Variants in CACNA1A observed in about 807,000 individuals in gnomAD.
CACNA1A encodes the protein voltage-dependent P/Q-type calcium channel subunit alpha-1A.
Under a neutral mutation model 262.4 loss-of-function variants are expected in CACNA1A, and 57 were observed. The ratio of observed to expected loss-of-function variants is 0.22; its 90% CI spans 0.18 to 0.27. The LOEUF (loss-of-function observed/expected upper bound fraction) is 0.27. Ranked by LOEUF, CACNA1A falls within the 10% of genes least tolerant of loss-of-function variation. The pLI is 1.00. For missense variants in CACNA1A, 2,526 were observed against 3,562.8 expected (o/e 0.71, Z 7.41); for synonymous variants, 1,431 against 1,419.3 (o/e 1.01, Z -0.18).
chr19:13,469,458 C>CT (rs1568678224), intron 1 of CACNA1A, among the ~76,000 whole-genome samples: 6 of 133,802 alleles, frequency 4.5e-5, no homozygotes, highest in East Asian at 5.6e-4. Flanking sequence ...CTTGAACCAC[C>CT]TCTTTTTTTT....
At chr19:13,455,575 G>A (rs1268467178) in intron 1 of CACNA1A, among the ~76,000 whole-genome samples, 2 of 152,172 alleles carry the variant, frequency 1.3e-5, no homozygotes, top group African/African-American at 4.8e-5. Flanking sequence ...GCAAATAAAT[G>A]AGATGACTAC....
Position 13,423,717 on chromosome 19 carries a change from G to A in CACNA1A, c.539+29159C>T, listed in dbSNP as rs941088740. The stretch of plus-strand genomic sequence containing the variant: ...TTTTGTAGAGATGAGGTTTTGCCAC[G>A]TTGCCCAGTCTGGTCTCAAACTCTT... On this transcript the variant is annotated intron_variant, in intron 3 of 46. Coordinates refer to ENST00000360228, the MANE Select transcript of CACNA1A (RefSeq NM_001127222.2). Among the ~76,000 whole-genome samples the A allele has an allele frequency of 1.4e-4, 21 of 151,872 alleles. No individual in the cohort carries two copies. In the South Asian group the frequency reaches 2.1e-3, roughly 15 times the overall value.
At chr19:13,416,409 C>T (rs1255415957) in intron 3 of CACNA1A, among the ~76,000 whole-genome samples, 4 of 152,142 alleles carry the variant, frequency 2.6e-5, no homozygotes, top group South Asian at 2.1e-4. Context: ...AGGCTGTGTG[C>T]GGTGGCTCAT....
Position 13,286,646 on chromosome 19 carries a change from G to T in CACNA1A, c.3410C>A (p.Pro1137His), listed in dbSNP as rs200333359. The T allele has an allele frequency of 1.6e-5, 25 of 1,544,566 alleles. No individual in the cohort carries two copies. The highest frequency in any genetic ancestry group is 4.5e-5 in the East Asian group (2 of 44,252). Residue 1137 changes from proline to histidine, a missense_variant, in exon 20 of 47, where the codon CCC becomes CAC. This residue lies in a region of CACNA1A where 765 missense variants were observed against 748.6 expected (regional missense o/e 1.02). Transcript: ENST00000360228. ...NPGNPSNPGP[P>H]KTPENSLIVT... is the part of the protein sequence containing the mutation. ...GATAAGGCTATTCTCGGGGGTCTTGGGGGGGCCGGGATTGGATGGGTTCCC... is the reference window on the plus strand; with the variant it reads ...GATAAGGCTATTCTCGGGGGTCTTGTGGGGGCCGGGATTGGATGGGTTCCC...
chr19:13,346,642 A>T (rs546414513), intron 6 of CACNA1A, among the ~76,000 whole-genome samples: 7 of 13,122 alleles, frequency 5.3e-4, no homozygotes, highest in African/African-American at 5.0e-4. Context: ...ATATATATAT[A>T]TATATATATA....
intron 3 of CACNA1A, among the ~76,000 whole-genome samples, chr19:13,399,428 G>A (rs1453338297): frequency 7.2e-6 from 1 of 139,582 alleles, no homozygotes; most frequent in African/African-American, 3.0e-5. Context: ...AAGAAGGAGA[G>A]AAAAGGAAAA....
chr19:13,403,657 T>C (rs1449578084), intron 3 of CACNA1A, among the ~76,000 whole-genome samples: 1 of 152,100 alleles, frequency 6.6e-6, no homozygotes, highest in African/African-American at 2.4e-5. Context: ...AGGGAGGACC[T>C]GGGTGCAGTG....
chr19:13,268,227 GCA>G, intron 24 of CACNA1A, among the ~76,000 whole-genome samples: 1 of 152,250 alleles, frequency 6.6e-6, no homozygotes, highest in South Asian at 2.1e-4. Context: ...AGCCCTCTGA[GCA>G]AATGCGGGCC....
chr19:13,463,345 A>G (rs924934637), intron 1 of CACNA1A, among the ~76,000 whole-genome samples: 1 of 152,148 alleles, frequency 6.6e-6, no homozygotes, highest in Non-Finnish European at 1.5e-5. Context: ...CAATCCAAAC[A>G]GTCTCCAGTT....
At chr19:13,319,878 G>T (rs1424892032) in intron 10 of CACNA1A, among the ~76,000 whole-genome samples, 2 of 152,114 alleles carry the variant, frequency 1.3e-5, no homozygotes, top group African/African-American at 2.4e-5. Flanking sequence ...GGCTGAGGGG[G>T]GTCTAGTAAC....
chr19:13,348,926 T>C (rs2058846335), intron 6 of CACNA1A, among the ~76,000 whole-genome samples: 1 of 146,186 alleles, frequency 6.8e-6, no homozygotes, highest in Non-Finnish European at 1.5e-5. Flanking sequence ...AAGAATCGCT[T>C]GAACCCAGGA....
chr19:13,269,135 TACAGGTGAGAG>T (rs6146472), intron 24 of CACNA1A, among the ~76,000 whole-genome samples: 73,277 of 151,574 alleles, frequency 0.48, 18,634 homozygotes, highest in African/African-American at 0.63. Context: ...TAGCTGGGAC[TACAGGTGAGAG>T]ACACCACACC....
intron 10 of CACNA1A, among the ~76,000 whole-genome samples, 166 bp from the exon 11 acceptor site, chr19:13,317,487 T>C (rs772413137): frequency 4.6e-5 from 7 of 152,178 alleles, no homozygotes; most frequent in Non-Finnish European, 1.0e-4. Flanking sequence ...TTTGCATAGA[T>C]GGAGCTTATG....
chr19:13,255,631 A>G, intron 28 of CACNA1A, among the ~76,000 whole-genome samples: 1 of 151,716 alleles, frequency 6.6e-6, no homozygotes, highest in Non-Finnish European at 1.5e-5. Flanking sequence ...GCCAAATCAA[A>G]TTGAAGCCTA....
chr19:13,265,285 A>G lies in CACNA1A; in HGVS notation c.3990-2452T>C, dbSNP rs146546625. On this transcript the variant is annotated intron_variant, in intron 24 of 46. Transcript: ENST00000360228. ...GTATTTGGGTGGGGAGGTCACCTAG[A>G]AAACATCTCCCTACAGTGACCTCCC... Among the ~76,000 whole-genome samples the G allele has an allele frequency of 8.2e-4, 125 of 152,336 alleles. 1 individual carries two copies. The East Asian group carries it at 0.024, about 29-fold the overall frequency.
chr19:13,376,852 A>G lies in CACNA1A; in HGVS notation c.540-5073T>C. On this transcript the variant is annotated intron_variant, in intron 3 of 46. Coordinates refer to ENST00000360228, the MANE Select transcript of CACNA1A (RefSeq NM_001127222.2). ...ACACATGTTATATGTGATATATAAC[A>G]CATATGTTATATGTGATATATATAA... is the stretch of plus-strand genomic sequence containing the variant. Among the ~76,000 whole-genome samples the G allele has an allele frequency of 2.7e-5, 4 of 145,464 alleles. No homozygotes were observed. In the Middle Eastern group the frequency reaches 0.014, roughly 523 times the overall value.
intron 6 of CACNA1A, among the ~76,000 whole-genome samples, chr19:13,343,827 A>C (rs2058714788): frequency 6.6e-6 from 1 of 152,192 alleles, no homozygotes; most frequent in Non-Finnish European, 1.5e-5. Flanking sequence ...GATGCAGCAG[A>C]AGCAGTGCTG....
At chr19:13,440,541 T>C (rs768329868) in intron 3 of CACNA1A, among the ~76,000 whole-genome samples, 38 of 152,220 alleles carry the variant, frequency 2.5e-4, no homozygotes, top group Non-Finnish European at 5.3e-4. Context: ...AGTCTTACAA[T>C]AGCTAATATA....
At chr19:13,306,319 C>A (rs1050178152) in intron 15 of CACNA1A, among the ~76,000 whole-genome samples, 5 of 152,180 alleles carry the variant, frequency 3.3e-5, no homozygotes, top group Non-Finnish European at 7.3e-5. Flanking sequence ...GGGTTGATCA[C>A]CCTGGAATAT....
Sources: gnomAD v4.1 joint callset for allele counts (sites outside exome capture counted in the v4.1 genomes callset) on GRCh38, gnomAD v4.1.1 for gene constraint, gnomAD v4.1.1 regional missense constraint, MANE v1.5 for transcripts, NCBI Gene and HGNC (gene_info 2026-07-23, HGNC 2026-07-21) for gene names.